FARP1: variants seen among roughly 807,000 people sequenced by gnomAD.
FARP1 encodes the protein FERM, ARHGEF and pleckstrin domain-containing protein 1.
In FARP1, 52 loss-of-function variants were observed where a neutral mutation model predicts 128.8. The observed-to-expected ratio is 0.40, with a 90% CI of 0.32 to 0.51. FARP1 has a LOEUF of 0.51. Among genes scored for constraint, FARP1 ranks in the 20% least tolerant of loss-of-function variants. FARP1 has a pLI of 0.45. For missense variants in FARP1, 1,333 were observed against 1,367.9 expected, an observed-to-expected ratio of 0.97 and a Z score of 0.40; for synonymous variants, 580 against 551.8, an observed-to-expected ratio of 1.05 and a Z score of -0.72.
chr13:98,395,202 G>T, intron 12 of FARP1, 25 bp from the exon 13 acceptor site: 1 of 1,573,798 alleles, frequency 6.4e-7, no homozygotes, highest in Non-Finnish European at 8.7e-7. Flanking sequence ...CTATCTCTCC[G>T]CACCTTTTTC....
At chr13:98,270,194 G>T (rs778765579) in intron 2 of FARP1, among the ~76,000 whole-genome samples, 2 of 152,184 alleles carry the variant, frequency 1.3e-5, no homozygotes, top group East Asian at 1.9e-4. Flanking sequence ...TGATTTTCCA[G>T]TGGTGCTTTC....
chr13:98,317,927 C>T (rs1290711942), intron 2 of FARP1, among the ~76,000 whole-genome samples: 1 of 149,988 alleles, frequency 6.7e-6, no homozygotes, highest in Non-Finnish European at 1.5e-5. Flanking sequence ...TTCCTCTCTC[C>T]TTCCTTTCCT....
At chr13:98,213,028 A>G (rs1880825397) in intron 1 of FARP1, among the ~76,000 whole-genome samples, 192 bp from the exon 2 acceptor site, 1 of 152,184 alleles carries the variant, frequency 6.6e-6, no homozygotes, top group African/African-American at 2.4e-5. Context: ...CAAAAGAATA[A>G]AGTATGCAAA....
At chr13:98,396,177 G>A (rs2140075103) in intron 13 of FARP1, 1 of 399,208 alleles carries the variant, frequency 2.5e-6, no homozygotes, top group Non-Finnish European at 4.4e-6. Flanking sequence ...CTGCTCCCGA[G>A]GGTAGAAGCC....
intron 2 of FARP1, among the ~76,000 whole-genome samples, chr13:98,238,163 G>A (rs55866511): frequency 7.2e-4 from 110 of 152,332 alleles, no homozygotes; most frequent in African/African-American, 1.9e-3. Flanking sequence ...AGAGGCAGTA[G>A]ATGAGTTCCC....
At chr13:98,295,687 T>C (rs1260129801) in intron 2 of FARP1, among the ~76,000 whole-genome samples, 1 of 152,172 alleles carries the variant, frequency 6.6e-6, no homozygotes, top group Non-Finnish European at 1.5e-5. Flanking sequence ...GGAATTTTCT[T>C]CCCAGCCTAA....
intron 2 of FARP1, among the ~76,000 whole-genome samples, chr13:98,217,317 A>C (rs1353214093): frequency 2.0e-5 from 3 of 152,132 alleles, no homozygotes. Flanking sequence ...GGTGACAAAA[A>C]AGACACCTAG....
Position 98,176,371 on chromosome 13 carries a change from C to A in FARP1, c.-24+32879C>A, listed in dbSNP as rs760628427. On this transcript the variant is annotated intron_variant, in intron 1 of 26. Coordinates refer to ENST00000319562, the MANE Select transcript of FARP1 (RefSeq NM_005766.4). The surrounding 1 kb of genome is among the most constrained non-coding windows in gnomAD (Gnocchi z 6.2). ...GGTTGGCTGGTCACAGATGTAGCAG[C>A]GCGGGGTGGCCCGGAAGTGCTCCAG... 2 of 1,614,196 alleles carry A rather than the reference C, an allele frequency of 1.2e-6. No homozygotes were observed. Among genetic ancestry groups the A allele is most frequent in the Admixed American group, 3.3e-5 (2 of 60,022 alleles).
In FARP1 at chr13:98,267,414, A is replaced by C. The variant is rs192768393; in HGVS notation, c.171+54001A>C. Among the ~76,000 whole-genome samples, 246 of 152,168 alleles carry C rather than the reference A, an allele frequency of 1.6e-3. 4 individuals carry two copies. In the East Asian group the frequency reaches 0.036, roughly 22 times the overall value. On this transcript the variant is annotated intron_variant, in intron 2 of 26. Transcript: ENST00000319562. ...TAAATGCTTTCTGTAGCCTGTCCAG[A>C]CTGTTTTGCTCAAACCTGTTCTTGA... is the stretch of plus-strand genomic sequence containing the variant.
chr13:98,215,195 G>T (rs1055268293), intron 2 of FARP1, among the ~76,000 whole-genome samples: 12 of 152,184 alleles, frequency 7.9e-5, no homozygotes, highest in Non-Finnish European at 1.3e-4. Context: ...ATAGAAATGT[G>T]TTTTTATCTT....
At chr13:98,231,238 A>G (rs1321563963) in intron 2 of FARP1, among the ~76,000 whole-genome samples, 1 of 152,076 alleles carries the variant, frequency 6.6e-6, no homozygotes, top group African/African-American at 2.4e-5. Flanking sequence ...GGCCAAGCTG[A>G]TATTTGGACG....
At chr13:98,173,375 A>G (rs2139171046) in intron 1 of FARP1, among the ~76,000 whole-genome samples, 1 of 152,292 alleles carries the variant, frequency 6.6e-6, no homozygotes, top group Non-Finnish European at 1.5e-5. Flanking sequence ...TCAGGATATT[A>G]ATCAATCTGG....
At chr13:98,213,100 A>G in intron 1 of FARP1, 120 bp from the exon 2 acceptor site, 1 of 690,472 alleles carries the variant, frequency 1.4e-6, no homozygotes, top group Non-Finnish European at 2.4e-6. Context: ...GCCTCCCTAT[A>G]TGTGATTCCT....
chr13:98,307,307 G>T (rs1280583116), intron 2 of FARP1, among the ~76,000 whole-genome samples: 2 of 152,146 alleles, frequency 1.3e-5, no homozygotes, highest in South Asian at 2.1e-4. Context: ...TGTATTGGAG[G>T]TTGAATTCTA....
intron 1 of FARP1, among the ~76,000 whole-genome samples, chr13:98,206,702 C>T (rs766227834): frequency 7.2e-5 from 11 of 152,152 alleles, no homozygotes; most frequent in Non-Finnish European, 1.5e-4. Context: ...GACAAGACAA[C>T]TCTAGTTTTT....
chr13:98,277,092 G>T (rs1448799772), intron 2 of FARP1, among the ~76,000 whole-genome samples: 1 of 63,448 alleles, frequency 1.6e-5, no homozygotes, highest in Non-Finnish European at 3.4e-5. Context: ...TGAGCTCTTG[G>T]ATCTGCTCTA....
rs17453551 is a variant in FARP1, at chr13:98,236,248, A to C, written c.171+22835A>C. Among the ~76,000 whole-genome samples the C allele has an allele frequency of 2.4e-3, 364 of 152,304 alleles. 3 individuals carry two copies. The highest frequency in any genetic ancestry group is 3.6e-3 in the Non-Finnish European group (243 of 68,036). ...AAAACCTTGATTTGTAGCCGGGAAA[A>C]AGTGATTTTGTGAAGATATGGAGCT... is the stretch of plus-strand genomic sequence containing the variant. On this transcript the variant is annotated intron_variant, in intron 2 of 26. Transcript: ENST00000319562.
At chr13:98,427,501 T>G (rs2139027436) in intron 17 of FARP1, among the ~76,000 whole-genome samples, 1 of 152,298 alleles carries the variant, frequency 6.6e-6, no homozygotes, top group East Asian at 1.9e-4. Flanking sequence ...GACTCTGGTG[T>G]GGGCCTTTGG....
intron 3 of FARP1, among the ~76,000 whole-genome samples, chr13:98,354,871 A>C (rs1888577234): frequency 6.6e-6 from 1 of 152,238 alleles, no homozygotes; most frequent in African/African-American, 2.4e-5. Context: ...TTTAGGTAAT[A>C]AGCACTTGAA....
Sources: allele counts gnomAD v4.1 joint callset (sites outside exome capture counted in the v4.1 genomes callset), GRCh38; gene constraint gnomAD v4.1.1; non-coding constraint Gnocchi (gnomAD v3.1); transcripts MANE v1.5; gene names NCBI Gene and HGNC (gene_info 2026-07-23, HGNC 2026-07-21).